LGR5: variants seen among roughly 807,000 people sequenced by gnomAD.
LGR5 encodes leucine-rich repeat-containing G protein-coupled receptor 5.
A neutral mutation model predicts 76.7 loss-of-function variants in LGR5; 54 were observed. That is an observed-to-expected ratio of 0.70 (90% CI 0.57 to 0.88). The LOEUF (loss-of-function observed/expected upper bound fraction) is 0.88, where lower values mean the gene tolerates loss of function less well. Ranked by LOEUF, LGR5 falls within the 40% of genes least tolerant of loss-of-function variation. The probability of loss-of-function intolerance (pLI) is 0.00; values close to 1 mark genes in which losing one functional copy is unlikely to be tolerated. For missense variants in LGR5, 1,078 were observed against 1,073.3 expected (o/e 1.00, Z -0.06); for synonymous variants, 406 against 421.9 (o/e 0.96, Z 0.46).
At chr12:71,487,369 A>T (rs930335416) in intron 1 of LGR5, among the ~76,000 whole-genome samples, 1 of 152,152 alleles carries the variant, frequency 6.6e-6, no homozygotes, top group Admixed American at 6.5e-5. Flanking sequence ...GGGGAATTTC[A>T]TTTGTCTTCA....
rs1303901586 is a variant in LGR5, at chr12:71,578,863, A to T, written c.1340A>T (p.His447Leu). Residue 447 changes from histidine (H) to leucine (L), a missense_variant, in exon 15 of 18, where the codon CAC (histidine) becomes CTC (leucine). Physicochemically the swap from His to Leu is moderately conservative, Grantham distance 99 (BLOSUM62 -3). Transcript: ENST00000266674. ...ATAACTGGGTTACATGGTTTAACTC[A>T]CTTAAAATTAACAGGAAATCATGCC... ...FPITGLHGLT[H>L]LKLTGNHALQ... The T allele has an allele frequency of 1.9e-6, 3 of 1,612,782 alleles. No individual in the cohort carries two copies. Among genetic ancestry groups the T allele is most frequent in the Non-Finnish European group, 2.5e-6 (3 of 1,179,282 alleles).
At chr12:71,485,891 G>A (rs1440904959) in intron 1 of LGR5, among the ~76,000 whole-genome samples, 5 of 151,358 alleles carry the variant, frequency 3.3e-5, no homozygotes, top group African/African-American at 4.9e-5. Context: ...TCAGCCTCCC[G>A]AGTAGCTGGG....
chr12:71,474,628 A>G (rs766467500), intron 1 of LGR5, among the ~76,000 whole-genome samples: 2 of 152,204 alleles, frequency 1.3e-5, no homozygotes, highest in African/African-American at 2.4e-5. Context: ...ATTAGTAAAT[A>G]TATTACAAAG....
chr12:71,553,955 G>A (rs1044391941), intron 5 of LGR5, among the ~76,000 whole-genome samples: 1 of 152,168 alleles, frequency 6.6e-6, no homozygotes, highest in African/African-American at 2.4e-5. Context: ...GCTGGGCGTA[G>A]TGGCACATGC....
intron 2 of LGR5, among the ~76,000 whole-genome samples, chr12:71,506,477 T>G (rs1184534859): frequency 6.6e-6 from 1 of 152,152 alleles, no homozygotes; most frequent in African/African-American, 2.4e-5. Context: ...TTTAAAAAGA[T>G]AGTTGAAAAA....
intron 1 of LGR5, among the ~76,000 whole-genome samples, chr12:71,482,039 T>C (rs952898648): frequency 2.0e-5 from 3 of 152,164 alleles, no homozygotes; most frequent in Admixed American, 2.0e-4. Context: ...AAGAGATTTA[T>C]GGTATAAAAG....
intron 4 of LGR5, among the ~76,000 whole-genome samples, chr12:71,539,471 G>T (rs1453141077): frequency 2.0e-5 from 3 of 151,986 alleles, no homozygotes; most frequent in Non-Finnish European, 4.4e-5. Flanking sequence ...TACACTTGTG[G>T]TTTTTTTGTT....
chr12:71,584,986 A>G lies in LGR5; in HGVS notation c.*252A>G, dbSNP rs1879262091. ...ACACTATTTAAGTGAGCCCAGATCA[A>G]AAAAGCAGATTGAAATTTTCTTTAG... On this transcript the variant is annotated 3_prime_UTR_variant, in exon 18 of 18. Coordinates refer to ENST00000266674, the MANE Select transcript of LGR5 (RefSeq NM_003667.4). The G allele has an allele frequency of 5.0e-6, 2 of 396,404 alleles. No individual in the cohort carries two copies. Among genetic ancestry groups the G allele is most frequent in the Non-Finnish European group, 9.0e-6 (2 of 223,400 alleles). 24.6% of individuals were successfully genotyped at this position (396,404 alleles called of 1,614,324 possible).
chr12:71,574,847 G>A (rs182993993), intron 13 of LGR5, among the ~76,000 whole-genome samples: 3 of 152,068 alleles, frequency 2.0e-5, no homozygotes, highest in Non-Finnish European at 2.9e-5. Flanking sequence ...ACTCAGATGC[G>A]CTTTGCACAT....
In LGR5 at chr12:71,440,848, T is replaced by C. The variant is rs1045611687; in HGVS notation, c.212+556T>C. Among the ~76,000 whole-genome samples, 1 of 152,142 alleles carries C rather than the reference T, an allele frequency of 6.6e-6. No homozygotes were observed. The highest frequency in any genetic ancestry group is 2.1e-4 in the South Asian group (1 of 4,826). ...TTTTCCTCCCTTCCTTCCTCCCTTC[T>C]TCCTTCCTTCCCTCCCTCCTTTCTT... is the stretch of plus-strand genomic sequence containing the variant. On this transcript the variant is annotated intron_variant, in intron 1 of 17. Coordinates refer to ENST00000266674, the MANE Select transcript of LGR5 (RefSeq NM_003667.4). The surrounding 1 kb of genome is among the most constrained non-coding windows in gnomAD (Gnocchi z 5.3).
chr12:71,582,276 T>C (rs1879124570), intron 16 of LGR5, 180 bp from the exon 17 acceptor site: 1 of 557,664 alleles, frequency 1.8e-6, no homozygotes, highest in Non-Finnish European at 3.2e-6. Context: ...TAGAATAGTA[T>C]GTCATAGCAG....
chr12:71,515,879 A>G (rs1411754147), intron 2 of LGR5, among the ~76,000 whole-genome samples: 1 of 152,326 alleles, frequency 6.6e-6, no homozygotes, highest in East Asian at 1.9e-4. Flanking sequence ...CTGCTATTAC[A>G]TGGCTTCCAT....
intron 6 of LGR5, among the ~76,000 whole-genome samples, chr12:71,557,164 T>C (rs1473112461): frequency 6.6e-6 from 1 of 152,178 alleles, no homozygotes; most frequent in African/African-American, 2.4e-5. Flanking sequence ...CTCATGCCTG[T>C]AATCCTAACA....
At chr12:71,508,775 A>AAAAG (rs1874996783) in intron 2 of LGR5, among the ~76,000 whole-genome samples, 1 of 151,460 alleles carries the variant, frequency 6.6e-6, no homozygotes, top group African/African-American at 2.4e-5. Flanking sequence ...AAAAAAAAAA[A>AAAAG]AAGCATTGTA....
chr12:71,509,919 T>C lies in LGR5; in HGVS notation c.284+5234T>C, dbSNP rs74333805. Among the ~76,000 whole-genome samples, 97 of 152,324 alleles carry C rather than the reference T, an allele frequency of 6.4e-4. 1 individual carries two copies. The East Asian group carries it at 0.016, about 24-fold the overall frequency. On this transcript the variant is annotated intron_variant, in intron 2 of 17. Coordinates refer to ENST00000266674, the MANE Select transcript of LGR5 (RefSeq NM_003667.4). ...GACGAATCTCTATATAAATAGTAGATATCTATTATTACAGATGAAATTTGT... is the reference window on the plus strand; with the variant it reads ...GACGAATCTCTATATAAATAGTAGACATCTATTATTACAGATGAAATTTGT...
At chr12:71,500,351 G>A (rs1036854613) in intron 1 of LGR5, among the ~76,000 whole-genome samples, 4 of 152,078 alleles carry the variant, frequency 2.6e-5, no homozygotes, top group Non-Finnish European at 5.9e-5. Flanking sequence ...TTCAGCCCTG[G>A]CTGAACATTC....
At chr12:71,575,692 C>T (rs1040151444) in intron 13 of LGR5, among the ~76,000 whole-genome samples, 1 of 150,640 alleles carries the variant, frequency 6.6e-6, no homozygotes, top group Non-Finnish European at 1.5e-5. Flanking sequence ...ACCTGGGCGA[C>T]AGAGTGAGAC....
rs561402557 is a variant in LGR5, at chr12:71,493,470, A to G, written c.213-11144A>G. On this transcript the variant is annotated intron_variant, in intron 1 of 17. Transcript: ENST00000266674. ...TGGCTCTGAGTTCAGTTTTTGACCAAGGAATAAAATTATTTATAGGAGCCA... is the reference window on the plus strand; with the variant it reads ...TGGCTCTGAGTTCAGTTTTTGACCAGGGAATAAAATTATTTATAGGAGCCA... 9.9e-5 allele frequency among the ~76,000 whole-genome samples: 15 copies of G among 151,414 alleles called. No homozygotes were observed. In the South Asian group the frequency reaches 2.7e-3, roughly 27 times the overall value.
At chr12:71,540,160 T>TA (rs1876803471) in intron 4 of LGR5, among the ~76,000 whole-genome samples, 1 of 152,140 alleles carries the variant, frequency 6.6e-6, no homozygotes, top group African/African-American at 2.4e-5. Context: ...TCAATCTATT[T>TA]AAAAAATTGC....
Sources: gnomAD v4.1 joint callset for allele counts (sites outside exome capture counted in the v4.1 genomes callset) on GRCh38, gnomAD v4.1.1 for gene constraint, Gnocchi (gnomAD v3.1) non-coding constraint, MANE v1.5 for transcripts, NCBI Gene and HGNC (gene_info 2026-07-23, HGNC 2026-07-21) for gene names.